STON2: variants seen among roughly 807,000 people sequenced by gnomAD.
The protein encoded by STON2 is stonin-2.
A neutral mutation model predicts 65.7 loss-of-function variants in STON2; 29 were observed. The observed-to-expected ratio is 0.44, with a 90% confidence interval of 0.33 to 0.60. STON2 has a LOEUF of 0.60. Among genes scored for constraint, STON2 ranks in the 20% least tolerant of loss-of-function variants. The pLI is 0.03. For synonymous variants in STON2, 404 were observed against 414.2 expected (o/e 0.98, Z 0.30); for missense variants, 1,054 against 1,118.1 (o/e 0.94, Z 0.82).
intron 2 of STON2, among the ~76,000 whole-genome samples, chr14:81,415,454 AG>A (rs1239232526): frequency 6.6e-6 from 1 of 151,966 alleles, no homozygotes; most frequent in Non-Finnish European, 1.5e-5. Flanking sequence ...ACAAATTAAG[AG>A]CCCCCAATGT....
At chr14:81,348,868 C>CTAAAAATT (rs1897915683) in intron 4 of STON2, among the ~76,000 whole-genome samples, 2 of 129,470 alleles carry the variant, frequency 1.5e-5, no homozygotes, top group African/African-American at 5.4e-5. Context: ...GTTATAGTGA[C>CTAAAAATT]TAAACAGCAT....
At chr14:81,368,638 T>C (rs1265367958) in intron 4 of STON2, among the ~76,000 whole-genome samples, 2 of 152,056 alleles carry the variant, frequency 1.3e-5, no homozygotes, top group Non-Finnish European at 2.9e-5. Context: ...TACTTGAGCC[T>C]GGGAGACAGA....
chr14:81,269,916 G>T, intron 7 of STON2: 1 of 985,308 alleles, frequency 1.0e-6, no homozygotes, highest in South Asian at 4.7e-5. Flanking sequence ...GTTTTGTCCT[G>T]TTATAGCCCA....
At chr14:81,302,880 C>T (rs995380237) in intron 5 of STON2, among the ~76,000 whole-genome samples, 7 of 152,140 alleles carry the variant, frequency 4.6e-5, no homozygotes, top group African/African-American at 1.7e-4. Context: ...GACATGGTGC[C>T]GTACACAGAA....
In STON2 at chr14:81,277,598, A is replaced by T. The variant is rs201932621; in HGVS notation, c.1884T>A (p.Ile628=). ...AGAATTCATCTCTGACATCCACTGT[A>T]ATCTCCTCTTCAAGGTAGTTGAGGC... ...TVGLNYLEEE[I]TVDVRDEFSG... Residue 628 remains isoleucine (I), a synonymous_variant, in exon 6 of 8, where the codon ATT becomes ATA. Coordinates refer to ENST00000614646, the MANE Select transcript of STON2 (RefSeq NM_001394390.1). 1 of 1,614,132 alleles carries T rather than the reference A, an allele frequency of 6.2e-7. No homozygotes were observed. The highest frequency in any genetic ancestry group is 1.3e-5 in the African/African-American group (1 of 75,012).
intron 2 of STON2, among the ~76,000 whole-genome samples, chr14:81,418,442 G>A (rs181973663): frequency 2.6e-5 from 4 of 152,202 alleles, no homozygotes; most frequent in South Asian, 2.1e-4. Flanking sequence ...ATCAGAAAGC[G>A]ACAAGCATTT....
intron 5 of STON2, among the ~76,000 whole-genome samples, chr14:81,291,297 C>T (rs1895545374): frequency 6.6e-6 from 1 of 152,104 alleles, no homozygotes; most frequent in Non-Finnish European, 1.5e-5. Flanking sequence ...AAGACATATA[C>T]ATTCACAAAG....
intron 2 of STON2, among the ~76,000 whole-genome samples, chr14:81,421,505 G>T (rs1219521450): frequency 1.3e-5 from 2 of 152,186 alleles, no homozygotes; most frequent in African/African-American, 4.8e-5. Context: ...GAAAAGACCA[G>T]CTAGTAATTA....
chr14:81,401,077 CGTAACTT>C (rs1218821785), upstream of STON2, among the ~76,000 whole-genome samples: 1 of 152,156 alleles, frequency 6.6e-6, no homozygotes, highest in Non-Finnish European at 1.5e-5. Context: ...CCCAACGTTG[CGTAACTT>C]GTTCGTAGAA....
chr14:81,304,531 T>C (rs746221975), intron 5 of STON2, among the ~76,000 whole-genome samples: 104 of 152,164 alleles, frequency 6.8e-4, no homozygotes, highest in Non-Finnish European at 5.7e-4. Context: ...AAGACCAGCC[T>C]GGCCAACATG....
At chr14:81,406,464 T>C (rs1381169174) in intron 2 of STON2, among the ~76,000 whole-genome samples, 1 of 152,134 alleles carries the variant, frequency 6.6e-6, no homozygotes, top group Non-Finnish European at 1.5e-5. Context: ...AGTTTACATA[T>C]TGTCTATGGC....
At chr14:81,318,900 C>T (rs771122237) in intron 5 of STON2, among the ~76,000 whole-genome samples, 6 of 152,186 alleles carry the variant, frequency 3.9e-5, no homozygotes, top group Admixed American at 2.0e-4. Flanking sequence ...CCTGCCCTGG[C>T]GCTGTGCTTG....
chr14:81,268,607 T>C, intron 7 of STON2, 110 bp from the exon 8 acceptor site: 1 of 1,256,116 alleles, frequency 8.0e-7, no homozygotes. Context: ...ATAATTTTGC[T>C]AACATTTTGG....
intron 2 of STON2, among the ~76,000 whole-genome samples, chr14:81,397,434 T>C (rs950106760): frequency 6.6e-6 from 1 of 152,200 alleles, no homozygotes; most frequent in African/African-American, 2.4e-5. Flanking sequence ...AGCTATTTAA[T>C]TTTTTTAAAC....
intron 2 of STON2, among the ~76,000 whole-genome samples, chr14:81,419,283 C>T (rs1901589982): frequency 6.6e-6 from 1 of 152,192 alleles, no homozygotes; most frequent in Non-Finnish European, 1.5e-5. Context: ...GATGAGGAAA[C>T]TAAGGCTTGG....
chr14:81,304,659 C>T (rs1461207484), intron 5 of STON2, among the ~76,000 whole-genome samples: 3 of 151,984 alleles, frequency 2.0e-5, no homozygotes, highest in Non-Finnish European at 2.9e-5. Flanking sequence ...GCCTGGGAGG[C>T]GGGGGTTGCA....
intron 4 of STON2, among the ~76,000 whole-genome samples, chr14:81,358,596 CAA>C (rs923985870): frequency 1.3e-5 from 2 of 152,014 alleles, no homozygotes; most frequent in African/African-American, 4.8e-5. Flanking sequence ...AATAAAAAGA[CAA>C]AGAGTGACTG....
intron 2 of STON2, among the ~76,000 whole-genome samples, chr14:81,406,078 C>G (rs913399470): frequency 6.6e-6 from 1 of 152,148 alleles, no homozygotes; most frequent in African/African-American, 2.4e-5. Context: ...TGGACTTACA[C>G]CAGTGATTTG....
At chr14:81,379,808 G>A (rs1899427213) in intron 3 of STON2, among the ~76,000 whole-genome samples, 1 of 152,146 alleles carries the variant, frequency 6.6e-6, no homozygotes, top group Non-Finnish European at 1.5e-5. Flanking sequence ...AAGATTGAAA[G>A]TGGACTCCTA....
Sources: allele counts gnomAD v4.1 joint callset (sites outside exome capture counted in the v4.1 genomes callset), GRCh38; gene constraint gnomAD v4.1.1; transcripts MANE v1.5; gene names NCBI Gene and HGNC (gene_info 2026-07-23, HGNC 2026-07-21).